The following SCRG1 variants were observed in gnomAD, a reference collection of about 807,000 sequenced individuals.
SCRG1 encodes the protein scrapie-responsive protein 1.
In SCRG1, 3 loss-of-function variants were observed where a neutral mutation model predicts 7.7. The ratio of observed to expected loss-of-function variants is 0.39; its 90% CI spans 0.18 to 1.01. The LOEUF is 1.01. SCRG1 is among the 50% of genes least tolerant of loss of function. The pLI is 0.36. For synonymous variants in SCRG1, 46 were observed against 41.2 expected (o/e 1.12, Z -0.44); for missense variants, 110 against 117.2 (o/e 0.94, Z 0.28).
the SCRG1 span, among the ~76,000 whole-genome samples, chr4:173,508,112 C>T: frequency 2.0e-5 from 3 of 152,192 alleles, no homozygotes; most frequent in African/African-American, 7.2e-5. The surrounding 1 kb of genome is among the most constrained non-coding windows in gnomAD (Gnocchi z 4.4). Flanking sequence ...AAAGCCCTGT[C>T]GGCTCCCTCT....
the SCRG1 span, among the ~76,000 whole-genome samples, chr4:173,484,324 CATAAT>C: frequency 2.6e-5 from 1 of 38,670 alleles, no homozygotes; most frequent in Non-Finnish European, 4.5e-5. Flanking sequence ...ATATTTTATA[CATAAT>C]ATATTTAACA....
chr4:173,500,030 T>C, the SCRG1 span, among the ~76,000 whole-genome samples: 1 of 152,210 alleles, frequency 6.6e-6, no homozygotes, highest in African/African-American at 2.4e-5. Flanking sequence ...GTGTTTAATT[T>C]GTCCTTCACC....
chr4:173,511,442 TTTTG>T, the SCRG1 span, among the ~76,000 whole-genome samples: 1 of 152,082 alleles, frequency 6.6e-6, no homozygotes, highest in Non-Finnish European at 1.5e-5. This position sits in a 1 kb window ranked among gnomAD's most constrained non-coding sequence, Gnocchi z 5.2. Flanking sequence ...GTTTGTTTTG[TTTTG>T]TTTTTTTTCT....
chr4:173,487,697 A>C, the SCRG1 span, among the ~76,000 whole-genome samples: 1 of 152,212 alleles, frequency 6.6e-6, no homozygotes, highest in Non-Finnish European at 1.5e-5. Flanking sequence ...AGCACATATC[A>C]TATACACCAC....
chr4:173,437,738 C>T, the SCRG1 span, among the ~76,000 whole-genome samples: 7 of 152,234 alleles, frequency 4.6e-5, no homozygotes, highest in East Asian at 1.3e-3. Flanking sequence ...GACAATCTTT[C>T]CTTTATATAT....
the SCRG1 span, among the ~76,000 whole-genome samples, chr4:173,413,713 G>T: frequency 6.6e-6 from 1 of 152,220 alleles, no homozygotes. Context: ...GTGAGTGGAT[G>T]TGTGGCAGCT....
At chr4:173,497,235 T>C in the SCRG1 span, among the ~76,000 whole-genome samples, 1 of 152,220 alleles carries the variant, frequency 6.6e-6, no homozygotes, top group Non-Finnish European at 1.5e-5. Context: ...GTTGGCTGAA[T>C]GTCAGCTCCA....
the SCRG1 span, among the ~76,000 whole-genome samples, chr4:173,446,951 T>C: frequency 6.6e-6 from 1 of 152,222 alleles, no homozygotes; most frequent in African/African-American, 2.4e-5. Context: ...TGTGAGACAG[T>C]CACTTCAAGG....
At chr4:173,399,561 C>G (rs572862794), upstream of SCRG1, 5 of 152,462 alleles carry the variant, frequency 3.3e-5, no homozygotes, top group Non-Finnish European at 4.4e-5. Context: ...CTGCGCACCT[C>G]TTCCCCTTTC....
chr4:173,485,395 A>G, the SCRG1 span, among the ~76,000 whole-genome samples: 1 of 149,792 alleles, frequency 6.7e-6, no homozygotes, highest in Non-Finnish European at 1.5e-5. Context: ...ACAGCCAACA[A>G]CAAGTACCAA....
At chr4:173,487,262 A>G in the SCRG1 span, among the ~76,000 whole-genome samples, 44 of 152,320 alleles carry the variant, frequency 2.9e-4, 1 homozygote, top group African/African-American at 1.0e-3. Context: ...AGCTCTCACC[A>G]TTAAGATTTT....
chr4:173,480,354 TTTG>T, the SCRG1 span, among the ~76,000 whole-genome samples: 1 of 152,224 alleles, frequency 6.6e-6, no homozygotes, highest in African/African-American at 2.4e-5. Flanking sequence ...ACTGGTTTTT[TTTG>T]TTTGTTTGTT....
the SCRG1 span, among the ~76,000 whole-genome samples, chr4:173,442,907 A>C: frequency 6.6e-6 from 1 of 152,160 alleles, no homozygotes; most frequent in Non-Finnish European, 1.5e-5. Context: ...CTCCCAATCC[A>C]TTACACAGGC....
intron 2 of SCRG1, 22 bp from the exon 3 acceptor site, chr4:173,388,417 A>C (rs540483974): frequency 6.4e-7 from 1 of 1,569,264 alleles, no homozygotes; most frequent in Non-Finnish European, 8.8e-7. Flanking sequence ...TAGAGCATCA[A>C]TTAAATTCAC....
chr4:173,483,962 A>G, the SCRG1 span, among the ~76,000 whole-genome samples: 1 of 96,924 alleles, frequency 1.0e-5, no homozygotes, highest in African/African-American at 4.3e-5. Context: ...AATATATTAT[A>G]TATTTTATAT....
the SCRG1 span, among the ~76,000 whole-genome samples, chr4:173,430,349 A>G: frequency 2.0e-5 from 3 of 152,198 alleles, no homozygotes; most frequent in African/African-American, 4.8e-5. Context: ...TAATGTAAAA[A>G]GCATTCTCAG....
upstream of SCRG1, among the ~76,000 whole-genome samples, chr4:173,408,504 A>T (rs1183963357): frequency 1.3e-5 from 2 of 152,214 alleles, no homozygotes; most frequent in African/African-American, 4.8e-5. Flanking sequence ...AGAAAGATTT[A>T]ACAATTTTAA....
chr4:173,433,537 C>T, the SCRG1 span, among the ~76,000 whole-genome samples: 1 of 152,192 alleles, frequency 6.6e-6, no homozygotes, highest in African/African-American at 2.4e-5. Flanking sequence ...GGGGCCAAGA[C>T]TCTGAAAAGT....
chr4:173,438,718 T>G, the SCRG1 span, among the ~76,000 whole-genome samples: 1 of 152,086 alleles, frequency 6.6e-6, no homozygotes, highest in Non-Finnish European at 1.5e-5. Context: ...CAATAAATCT[T>G]TTTTTTAATT....
Sources: allele counts gnomAD v4.1 joint callset (sites outside exome capture counted in the v4.1 genomes callset), GRCh38; gene constraint gnomAD v4.1.1; non-coding constraint Gnocchi (gnomAD v3.1); transcripts MANE v1.5; gene names NCBI Gene and HGNC (gene_info 2026-07-23, HGNC 2026-07-21).